PTPRF: variants seen among roughly 807,000 people sequenced by gnomAD.
The protein encoded by PTPRF is protein tyrosine phosphatase receptor type F.
In PTPRF, 59 loss-of-function variants were observed where a neutral mutation model predicts 201.8. The observed-to-expected ratio is 0.29, with a 90% confidence interval of 0.24 to 0.36. The LOEUF (loss-of-function observed/expected upper bound fraction) is 0.36, where lower values mean the gene tolerates loss of function less well. Ranked by LOEUF, PTPRF falls within the 10% of genes least tolerant of loss-of-function variation. The pLI, the probability that PTPRF is intolerant of heterozygous loss-of-function variation, is 1.00. For synonymous variants in PTPRF, 1,088 were observed against 1,089.7 expected, an observed-to-expected ratio of 1.00 and a Z score of 0.03; for missense variants, 2,132 against 2,690.5, an observed-to-expected ratio of 0.79 and a Z score of 4.59.
At chr1:43,559,270 A>G (rs1645618047) in intron 5 of PTPRF, among the ~76,000 whole-genome samples, 1 of 151,716 alleles carries the variant, frequency 6.6e-6, no homozygotes, top group Non-Finnish European at 1.5e-5. Context: ...GGCAGTGGGG[A>G]AGGGGCAGTG....
At chr1:43,610,616 ATG>A in intron 22 of PTPRF, among the ~76,000 whole-genome samples, 1 of 152,372 alleles carries the variant, frequency 6.6e-6, no homozygotes, top group East Asian at 1.9e-4. Context: ...GTGGTGGCTC[ATG>A]CCTGTGATCC....
chr1:43,547,791 C>T (rs1162627455), intron 3 of PTPRF, among the ~76,000 whole-genome samples: 2 of 152,258 alleles, frequency 1.3e-5, no homozygotes, highest in Admixed American at 1.3e-4. Flanking sequence ...GCCGCACGCG[C>T]AGCTCCAGTG....
chr1:43,570,658 G>A (rs1031230720), intron 6 of PTPRF, among the ~76,000 whole-genome samples: 1 of 152,226 alleles, frequency 6.6e-6, no homozygotes, highest in African/African-American at 2.4e-5. Context: ...CACTCCCTGG[G>A]ATGCCAGCCC....
In PTPRF at chr1:43,553,540, G is replaced by A; in HGVS notation, c.140G>A (p.Gly47Glu). ...KVPEDQTGLS[G>E]GVASFVCQAT... is the part of the protein sequence containing the mutation. The stretch of plus-strand genomic sequence containing the variant: ...CCTGAGGACCAGACTGGGCTGTCAG[G>A]AGGGGTAGCCTCCTTCGTGTGCCAA... The change falls in exon 4 of 34, where the codon GGA becomes GAA. Residue 47 changes from glycine to glutamate, a missense_variant. This residue lies in a region of PTPRF where 297 missense variants were observed against 454.0 expected (regional missense o/e 0.65). Transcript: ENST00000359947. The surrounding 1 kb of genome is among the most constrained non-coding windows in gnomAD (Gnocchi z 4.1). 1 of 1,614,122 alleles carries A rather than the reference G, an allele frequency of 6.2e-7. No homozygotes were observed. Among genetic ancestry groups the A allele is most frequent in the Non-Finnish European group, 8.5e-7 (1 of 1,179,988 alleles).
At chr1:43,526,229 T>C (rs117025874), upstream of PTPRF, among the ~76,000 whole-genome samples, 1 of 152,204 alleles carries the variant, frequency 6.6e-6, no homozygotes, top group East Asian at 1.9e-4. Context: ...ACATAAGCAG[T>C]GTTCATTGAG....
At chr1:43,535,958 C>T (rs1643975988) in intron 1 of PTPRF, among the ~76,000 whole-genome samples, 1 of 152,058 alleles carries the variant, frequency 6.6e-6, no homozygotes, top group Non-Finnish European at 1.5e-5. Context: ...TTTTTAGAGA[C>T]AGGGTTTTGT....
chr1:43,612,862 T>C, intron 22 of PTPRF: 1 of 1,257,026 alleles, frequency 8.0e-7, no homozygotes, highest in Non-Finnish European at 1.1e-6. Flanking sequence ...TTTCCACTCC[T>C]TACTTTTGTT....
At chr1:43,529,021 G>A (rs1480543586), upstream of PTPRF, among the ~76,000 whole-genome samples, 1 of 152,172 alleles carries the variant, frequency 6.6e-6, no homozygotes, top group Non-Finnish European at 1.5e-5. Flanking sequence ...CCAAGGAAAA[G>A]AACTGTTTTA....
intron 1 of PTPRF, among the ~76,000 whole-genome samples, chr1:43,533,620 G>C (rs991474743): frequency 3.3e-5 from 5 of 152,144 alleles, no homozygotes; most frequent in African/African-American, 1.2e-4. Flanking sequence ...CTGTAAAATG[G>C]GGTAGCTAAT....
chr1:43,529,402 A>G (rs185063649), upstream of PTPRF, among the ~76,000 whole-genome samples: 8 of 152,358 alleles, frequency 5.3e-5, no homozygotes, highest in Admixed American at 5.2e-4. Context: ...ATCCCTGAAC[A>G]CCACAGCAAC....
At chr1:43,612,681 AT>A in intron 22 of PTPRF, 1 of 1,180,890 alleles carries the variant, frequency 8.5e-7, no homozygotes, top group Middle Eastern at 2.3e-4. Flanking sequence ...ACTGTGTGTG[AT>A]GGTGCTGTAA....
intron 22 of PTPRF, chr1:43,613,139 T>C (rs1411397220): frequency 6.0e-6 from 2 of 333,702 alleles, no homozygotes; most frequent in Non-Finnish European, 1.2e-5. Context: ...TGCTTCTCTC[T>C]CTATTGTGTC....
intron 16 of PTPRF, 92 bp downstream of exon 16, chr1:43,604,281 T>C: frequency 7.6e-7 from 1 of 1,317,752 alleles, no homozygotes; most frequent in East Asian, 2.4e-5. Context: ...GCGACTGTGA[T>C]CCACCAGCCT....
Position 43,553,353 on chromosome 1 carries a change from A to T in PTPRF, c.92-139A>T. On this transcript the variant is annotated intron_variant, in intron 3 of 33. Coordinates refer to ENST00000359947, the MANE Select transcript of PTPRF (RefSeq NM_002840.5). This position sits in a 1 kb window ranked among gnomAD's most constrained non-coding sequence, Gnocchi z 4.1. The stretch of plus-strand genomic sequence containing the variant: ...AAACTCTCTGAACAGTGCCTGGCAC[A>T]TACTAAGCGCTACATAAAGGTGAGG... The T allele has an allele frequency of 1.7e-5, 16 of 950,190 alleles. No individual in the cohort carries two copies. The highest frequency in any genetic ancestry group is 2.6e-5 in the Non-Finnish European group (16 of 620,884). 58.9% of individuals were successfully genotyped at this position (950,190 alleles called of 1,614,324 possible).
intron 5 of PTPRF, among the ~76,000 whole-genome samples, chr1:43,557,752 T>A (rs1645491191): frequency 6.7e-6 from 1 of 149,342 alleles, no homozygotes; most frequent in African/African-American, 2.5e-5. Flanking sequence ...CTGGGGAGAG[T>A]GTGGCGCAAG....
chr1:43,579,165 A>G (rs1647143178), intron 7 of PTPRF: 2 of 687,118 alleles, frequency 2.9e-6, no homozygotes, highest in African/African-American at 1.8e-5. Context: ...GAGCATTTGT[A>G]TCTTTTGTAG....
intron 13 of PTPRF, among the ~76,000 whole-genome samples, chr1:43,601,765 G>A (rs1334737187): frequency 4.6e-5 from 7 of 152,148 alleles, no homozygotes; most frequent in Non-Finnish European, 1.0e-4. Context: ...GCCCAAAATT[G>A]TCAGAGCATC....
chr1:43,550,307 C>G (rs891051578), intron 3 of PTPRF, among the ~76,000 whole-genome samples: 1 of 152,234 alleles, frequency 6.6e-6, no homozygotes, highest in Non-Finnish European at 1.5e-5. Flanking sequence ...CCTGGCTCTC[C>G]TCCCCGGCGT....
At chr1:43,555,636 G>A (rs1645316010) in intron 5 of PTPRF, among the ~76,000 whole-genome samples, 1 of 151,866 alleles carries the variant, frequency 6.6e-6, no homozygotes, top group Non-Finnish European at 1.5e-5. Context: ...AGTAAAGACG[G>A]GGTTTCACCA....
Sources: allele counts gnomAD v4.1 joint callset (sites outside exome capture counted in the v4.1 genomes callset), GRCh38; gene constraint gnomAD v4.1.1; regional missense constraint gnomAD v4.1.1; non-coding constraint Gnocchi (gnomAD v3.1); transcripts MANE v1.5; gene names NCBI Gene and HGNC (gene_info 2026-07-23, HGNC 2026-07-21).